Variants in ATP13A4 observed in about 807,000 individuals in gnomAD.
ATP13A4 encodes the protein probable cation-transporting ATPase 13A4.
A neutral mutation model predicts 142.5 loss-of-function variants in ATP13A4; 114 were observed. That is an observed-to-expected ratio of 0.80 (90% CI 0.69 to 0.93). The LOEUF (loss-of-function observed/expected upper bound fraction) is 0.93. Among genes scored for constraint, ATP13A4 ranks in the 40% least tolerant of loss-of-function variants. The probability of loss-of-function intolerance (pLI) is 0.00; values close to 1 mark genes in which losing one functional copy is unlikely to be tolerated. For synonymous variants in ATP13A4, 488 were observed against 514.8 expected (o/e 0.95, Z 0.70); for missense variants, 1,392 against 1,454.0 (o/e 0.96, Z 0.69).
chr3:193,577,125 C>A (rs1207609652), intron 2 of ATP13A4, among the ~76,000 whole-genome samples: 1 of 152,212 alleles, frequency 6.6e-6, no homozygotes, highest in Non-Finnish European at 1.5e-5. Flanking sequence ...AGTCTTCCAC[C>A]TATAACCAAC....
At chr3:193,465,676 G>A (rs1007298481) in intron 11 of ATP13A4, among the ~76,000 whole-genome samples, 1 of 152,174 alleles carries the variant, frequency 6.6e-6, no homozygotes, top group Non-Finnish European at 1.5e-5. Context: ...CTGGGTGTCT[G>A]ATTTTATTTA....
intron 1 of ATP13A4, among the ~76,000 whole-genome samples, chr3:193,587,275 T>C (rs150873204): frequency 1.5e-4 from 23 of 152,376 alleles, no homozygotes; most frequent in African/African-American, 5.5e-4. Context: ...GCTGCATTCC[T>C]GCTGGAGGCT....
At chr3:193,465,912 G>T in intron 11 of ATP13A4, 113 bp downstream of exon 11, 2 of 1,319,656 alleles carry the variant, frequency 1.5e-6, no homozygotes, top group Non-Finnish European at 2.2e-6. Flanking sequence ...ATCAGTGCTT[G>T]GTTTTGTTTC....
At chr3:193,578,339 A>ATATC (rs1315120262) in intron 2 of ATP13A4, among the ~76,000 whole-genome samples, 7 of 134,094 alleles carry the variant, frequency 5.2e-5, no homozygotes, top group Non-Finnish European at 8.1e-5. Context: ...ATCTATATCT[A>ATATC]TATCTATCTA....
At chr3:193,591,862 G>A (rs547405618) in intron 1 of ATP13A4, among the ~76,000 whole-genome samples, 3 of 152,098 alleles carry the variant, frequency 2.0e-5, no homozygotes, top group Non-Finnish European at 4.4e-5. Context: ...AGGAAGTAAC[G>A]ATTACAAAGA....
chr3:193,498,071 G>A (rs745356177), intron 3 of ATP13A4, among the ~76,000 whole-genome samples: 18 of 152,010 alleles, frequency 1.2e-4, no homozygotes, highest in Non-Finnish European at 2.4e-4. Context: ...AAAGGATTTT[G>A]AATATTATCA....
At chr3:193,433,334 CA>C (rs1716083562) in intron 25 of ATP13A4, among the ~76,000 whole-genome samples, 1 of 151,792 alleles carries the variant, frequency 6.6e-6, no homozygotes, top group Non-Finnish European at 1.5e-5. Context: ...AGAATAAAGT[CA>C]AAAATAAAAA....
chr3:193,403,007 G>C (rs1018043310), intron 29 of ATP13A4, 143 bp from the exon 30 acceptor site: 2 of 776,722 alleles, frequency 2.6e-6, no homozygotes, highest in Non-Finnish European at 2.2e-6. Context: ...CCAATCTAAG[G>C]TGGTTTCATT....
At chr3:193,483,279 AG>A (rs1359293963) in intron 8 of ATP13A4, among the ~76,000 whole-genome samples, 1 of 152,112 alleles carries the variant, frequency 6.6e-6, no homozygotes, top group Non-Finnish European at 1.5e-5. Context: ...AGGAAGCGGG[AG>A]AGAAAAAAAC....
intron 24 of ATP13A4, 25 bp from the exon 25 acceptor site, chr3:193,433,942 A>G (rs758113603): frequency 9.9e-5 from 157 of 1,582,138 alleles, no homozygotes; most frequent in Non-Finnish European, 1.3e-4. Flanking sequence ...AAAGCAGATC[A>G]AAAAAGTTGT....
chr3:193,437,825 A>AT (rs372139378), intron 23 of ATP13A4, among the ~76,000 whole-genome samples: 2,464 of 102,896 alleles, frequency 0.024, 54 homozygotes, highest in African/African-American at 0.029. Flanking sequence ...GCCAATAAAG[A>AT]TTTTTTTTTT....
At chr3:193,454,347 A>C (rs919764444) in intron 16 of ATP13A4, 135 bp from the exon 17 acceptor site, 2 of 710,448 alleles carry the variant, frequency 2.8e-6, no homozygotes, top group African/African-American at 3.5e-5. Flanking sequence ...GTCAGTTGAA[A>C]ATTCTAAACA....
chr3:193,461,096 CAGGAAGGA>C (rs747088095), intron 13 of ATP13A4, among the ~76,000 whole-genome samples: 2 of 151,516 alleles, frequency 1.3e-5, no homozygotes, highest in African/African-American at 4.9e-5. Context: ...GGCAGCAAGG[CAGGAAGGA>C]AGGAAGGAAG....
chr3:193,437,208 A>G (rs1232202354), intron 23 of ATP13A4, among the ~76,000 whole-genome samples: 1 of 139,904 alleles, frequency 7.1e-6, no homozygotes. Context: ...CTTATTGCTT[A>G]GAGAGGTTCT....
intron 29 of ATP13A4, among the ~76,000 whole-genome samples, chr3:193,404,985 T>C (rs1714422878): frequency 6.6e-6 from 1 of 152,162 alleles, no homozygotes; most frequent in East Asian, 1.9e-4. Context: ...CCACACTACC[T>C]CTCATGCCTC....
chr3:193,566,373 G>A (rs574515018), intron 2 of ATP13A4, among the ~76,000 whole-genome samples: 7 of 152,222 alleles, frequency 4.6e-5, no homozygotes, highest in Non-Finnish European at 5.9e-5. Context: ...CATTTCATAT[G>A]TCCAAGCAGC....
intron 1 of ATP13A4, among the ~76,000 whole-genome samples, chr3:193,586,061 A>G (rs1048357975): frequency 2.4e-4 from 35 of 144,296 alleles, no homozygotes; most frequent in African/African-American, 9.1e-4. Context: ...TATATAAAAT[A>G]TATATATATC....
chr3:193,504,171 A>C (rs903944093), intron 2 of ATP13A4, among the ~76,000 whole-genome samples: 4 of 152,184 alleles, frequency 2.6e-5, no homozygotes, highest in African/African-American at 9.7e-5. Context: ...TTTAAAAAAA[A>C]AGGTGACTAA....
chr3:193,504,287 T>C (rs1188904207), intron 2 of ATP13A4, among the ~76,000 whole-genome samples: 1 of 152,082 alleles, frequency 6.6e-6, no homozygotes, highest in Non-Finnish European at 1.5e-5. Context: ...ATAGACATGG[T>C]CTAGGTATGG....
Sources: gnomAD v4.1 joint callset for allele counts (sites outside exome capture counted in the v4.1 genomes callset) on GRCh38, gnomAD v4.1.1 for gene constraint, MANE v1.5 for transcripts, NCBI Gene and HGNC (gene_info 2026-07-23, HGNC 2026-07-21) for gene names.